SHB: variants seen among roughly 807,000 people sequenced by gnomAD.
SHB encodes SH2 domain containing adaptor protein B.
In SHB, 20 loss-of-function variants were observed where a neutral mutation model predicts 52.3. That is an observed-to-expected ratio of 0.38 (90% confidence interval 0.27 to 0.56). The LOEUF (loss-of-function observed/expected upper bound fraction) is 0.56, where lower values mean the gene tolerates loss of function less well. Ranked by LOEUF, SHB falls within the 20% of genes least tolerant of loss-of-function variation. The pLI is 0.71. For synonymous variants in SHB, 397 were observed against 316.5 expected (o/e 1.25, Z -2.70); for missense variants, 825 against 723.3 (o/e 1.14, Z -1.61).
chr9:37,961,022 C>T (rs900821433), intron 3 of SHB, among the ~76,000 whole-genome samples: 3 of 152,228 alleles, frequency 2.0e-5, no homozygotes, highest in Non-Finnish European at 2.9e-5. Context: ...CCCTGCTGTG[C>T]ACTTCCTACT....
At chr9:37,947,410 T>C (rs890417484) in intron 5 of SHB, among the ~76,000 whole-genome samples, 2 of 152,242 alleles carry the variant, frequency 1.3e-5, no homozygotes, top group South Asian at 2.1e-4. Flanking sequence ...AATCTGTCTA[T>C]GCATTGTCTG....
intron 1 of SHB, among the ~76,000 whole-genome samples, chr9:38,044,780 C>T (rs1821628251): frequency 6.6e-6 from 1 of 152,236 alleles, no homozygotes; most frequent in African/African-American, 2.4e-5. Flanking sequence ...CAATCAACCT[C>T]TCTGAGATCA....
intron 1 of SHB, among the ~76,000 whole-genome samples, chr9:38,035,846 C>T (rs1252755970): frequency 6.6e-6 from 1 of 152,038 alleles, no homozygotes; most frequent in South Asian, 2.1e-4. Context: ...CTAAGTTTGG[C>T]CCCCAGAAAT....
chr9:37,921,304 A>T (rs1832177307), intron 5 of SHB, among the ~76,000 whole-genome samples: 2 of 152,278 alleles, frequency 1.3e-5, no homozygotes, highest in South Asian at 4.1e-4. Flanking sequence ...TTTCCGCTCC[A>T]GCTCCGCCCC....
Position 38,025,872 on chromosome 9 carries a change from C to G in SHB, c.718-9741G>C, listed in dbSNP as rs528368568. Among the ~76,000 whole-genome samples, 26 of 152,334 alleles carry G rather than the reference C, an allele frequency of 1.7e-4. No homozygotes were observed. In the South Asian group the frequency reaches 2.3e-3, roughly 13 times the overall value. On this transcript the variant is annotated intron_variant, in intron 1 of 5. Coordinates refer to ENST00000377707, the MANE Select transcript of SHB (RefSeq NM_003028.3). ...ACCAGAGGCTCCAAGTAACAAATGA[C>G]ACAGCAGAACACTCCTGAGCGGGTG...
rs760767449 is a variant in SHB, at chr9:38,068,654, G to A, written c.-9C>T. On this transcript the variant is annotated 5_prime_UTR_variant, in exon 1 of 6. Transcript: ENST00000377707. ...TTTAGCCACTTGGCCATGGCGAGAGGCCGCCTAGGGCCGCGGCGCGGGAGC... is the reference window on the plus strand; with the variant it reads ...TTTAGCCACTTGGCCATGGCGAGAGACCGCCTAGGGCCGCGGCGCGGGAGC... The A allele has an allele frequency of 3.7e-6, 5 of 1,348,222 alleles. No individual in the cohort carries two copies. Among genetic ancestry groups the A allele is most frequent in the African/African-American group, 3.1e-5 (2 of 65,408 alleles). The allele number at this position is 1,348,222 out of a possible 1,614,324, so 83.5% of individuals were successfully genotyped here.
chr9:37,968,882 AGTGGGACTCTATGGTAT>A (rs1052434577), intron 3 of SHB, among the ~76,000 whole-genome samples: 12 of 152,124 alleles, frequency 7.9e-5, no homozygotes, highest in Admixed American at 5.9e-4. Flanking sequence ...AAGGACAGGG[AGTGGGACTCTATGGTAT>A]GTGGGACTCT....
chr9:37,920,345 C>A (rs1235371109), intron 5 of SHB, among the ~76,000 whole-genome samples: 5 of 151,860 alleles, frequency 3.3e-5, no homozygotes, highest in Non-Finnish European at 7.4e-5. Flanking sequence ...CTTAGTCCCT[C>A]TTTTCTATTA....
At chr9:38,057,558 G>GGCCC (rs1367365680) in intron 1 of SHB, among the ~76,000 whole-genome samples, 1 of 152,190 alleles carries the variant, frequency 6.6e-6, no homozygotes, top group Non-Finnish European at 1.5e-5. Context: ...AACTTGCAAG[G>GGCCC]GCCCCACACA....
At chr9:37,963,581 G>A (rs903333324) in intron 3 of SHB, among the ~76,000 whole-genome samples, 3 of 152,168 alleles carry the variant, frequency 2.0e-5, no homozygotes, top group Non-Finnish European at 2.9e-5. Context: ...AGGGGTTCCT[G>A]CACAGCACCA....
intron 5 of SHB, among the ~76,000 whole-genome samples, chr9:37,938,352 G>A (rs984086588): frequency 1.3e-5 from 2 of 152,216 alleles, no homozygotes; most frequent in African/African-American, 2.4e-5. Flanking sequence ...CAGATGTGAC[G>A]TCTGCAGCTG....
chr9:37,990,565 G>A (rs1171714035), intron 2 of SHB, among the ~76,000 whole-genome samples: 2 of 152,188 alleles, frequency 1.3e-5, no homozygotes, highest in Non-Finnish European at 1.5e-5. Flanking sequence ...ATTCTAAAAA[G>A]GGAACTGTAC....
chr9:37,956,911 G>A (rs1468163606), intron 3 of SHB, among the ~76,000 whole-genome samples: 1 of 152,184 alleles, frequency 6.6e-6, no homozygotes, highest in Admixed American at 6.5e-5. Flanking sequence ...CTGTACCTGT[G>A]GAAGGTAGTC....
chr9:38,068,586 C>A lies in SHB; in HGVS notation c.60G>T (p.Pro20=). The A allele has an allele frequency of 6.7e-7, 1 of 1,490,372 alleles. No homozygotes were observed. The highest frequency in any genetic ancestry group is 1.3e-5 in the South Asian group (1 of 77,502). The allele number at this position is 1,490,372 out of a possible 1,614,324, so 92.3% of individuals were successfully genotyped here. ...CGCGGTAGTCTGGCCGCGGCGGCTG[C>A]GGGGGGCTCTTGGTCTTGCTGTTGC... The part of the protein sequence containing the change: ...SLGNSKTKSP[P]QPPRPDYREQ... The change falls in exon 1 of 6, where the codon CCG becomes CCT. Residue 20 remains proline (P), a synonymous_variant. Coordinates refer to ENST00000377707, the MANE Select transcript of SHB (RefSeq NM_003028.3).
intron 2 of SHB, among the ~76,000 whole-genome samples, chr9:37,988,534 T>A (rs1820839060): frequency 6.6e-6 from 1 of 152,158 alleles, no homozygotes; most frequent in Non-Finnish European, 1.5e-5. Flanking sequence ...CCTGACCACC[T>A]TCCAGCAAAT....
intron 2 of SHB, among the ~76,000 whole-genome samples, chr9:37,980,333 T>A (rs1206132799): frequency 1.3e-5 from 2 of 152,250 alleles, no homozygotes; most frequent in South Asian, 4.1e-4. Context: ...GTTCCCAGCA[T>A]CTTCATCAGG....
intron 5 of SHB, among the ~76,000 whole-genome samples, chr9:37,940,922 G>A (rs536806624): frequency 6.6e-6 from 1 of 152,320 alleles, no homozygotes; most frequent in South Asian, 2.1e-4. Context: ...TACCTGTTGA[G>A]TGGTCATCAT....
At chr9:37,924,331 G>A (rs938875602) in intron 5 of SHB, among the ~76,000 whole-genome samples, 4 of 152,218 alleles carry the variant, frequency 2.6e-5, no homozygotes, top group Non-Finnish European at 4.4e-5. Context: ...TGCAGCTGCC[G>A]GCCGCCGAGC....
At chr9:38,059,235 CCCCACCCA>C (rs796992968) in intron 1 of SHB, among the ~76,000 whole-genome samples, 1 of 138,532 alleles carries the variant, frequency 7.2e-6, no homozygotes, top group Non-Finnish European at 1.6e-5. Flanking sequence ...AATTCGCTTC[CCCCACCCA>C]CCCACCCACC....
Sources: allele counts gnomAD v4.1 joint callset (sites outside exome capture counted in the v4.1 genomes callset), GRCh38; gene constraint gnomAD v4.1.1; transcripts MANE v1.5; gene names NCBI Gene and HGNC (gene_info 2026-07-23, HGNC 2026-07-21).